ATP9B: variants seen among roughly 807,000 people sequenced by gnomAD.
ATP9B encodes the protein probable phospholipid-transporting ATPase IIB.
ATP9B carries 110 observed loss-of-function variants against 146.1 expected under a neutral mutation model. The ratio of observed to expected loss-of-function variants is 0.75; its 90% CI spans 0.65 to 0.88. The LOEUF is 0.88. Ranked by LOEUF, ATP9B falls within the 40% of genes least tolerant of loss-of-function variation. ATP9B has a pLI of 0.00. For missense variants in ATP9B, 1,499 were observed against 1,496.4 expected, an observed-to-expected ratio of 1.00 and a Z score of -0.03; for synonymous variants, 604 against 569.7, an observed-to-expected ratio of 1.06 and a Z score of -0.86.
At chr18:79,105,562 G>C (rs982225678) in intron 2 of ATP9B, among the ~76,000 whole-genome samples, 3 of 152,124 alleles carry the variant, frequency 2.0e-5, no homozygotes, top group South Asian at 4.1e-4. Flanking sequence ...TGAAAAAATT[G>C]TTCTGGTATC....
At chr18:79,344,076 A>G in intron 20 of ATP9B, 189 bp from the exon 21 acceptor site, 2 of 614,520 alleles carry the variant, frequency 3.3e-6, no homozygotes, top group East Asian at 2.8e-5. Flanking sequence ...AACTGAGTGG[A>G]TAGACACACC....
chr18:79,329,406 C>T, intron 16 of ATP9B, 104 bp downstream of exon 16: 2 of 1,258,890 alleles, frequency 1.6e-6, no homozygotes, highest in Non-Finnish European at 2.1e-6. Flanking sequence ...TACTCAGGTG[C>T]TTTATGCTGT....
At chr18:79,308,513 C>T (rs1204984749) in intron 15 of ATP9B, among the ~76,000 whole-genome samples, 3 of 152,188 alleles carry the variant, frequency 2.0e-5, no homozygotes, top group African/African-American at 7.2e-5. Context: ...CCTTTGAAAC[C>T]TTTTGCTCAG....
At chr18:79,295,900 A>T (rs1334562200) in intron 13 of ATP9B, among the ~76,000 whole-genome samples, 1 of 152,240 alleles carries the variant, frequency 6.6e-6, no homozygotes. Context: ...CTGGTGCCTC[A>T]TCTTGCATTT....
intron 26 of ATP9B, chr18:79,362,298 T>C (rs1299295639): frequency 6.6e-6 from 1 of 152,186 alleles, no homozygotes; most frequent in Non-Finnish European, 1.5e-5. Flanking sequence ...GTATAAACAT[T>C]TGTCCCCTGC....
intron 15 of ATP9B, among the ~76,000 whole-genome samples, chr18:79,313,629 T>C (rs915842085): frequency 6.6e-6 from 1 of 152,242 alleles, no homozygotes; most frequent in Admixed American, 6.5e-5. Context: ...TCTGGGATTT[T>C]TTATTTTTAA....
chr18:79,253,151 G>A (rs1459083872), intron 11 of ATP9B, among the ~76,000 whole-genome samples: 2 of 152,218 alleles, frequency 1.3e-5, no homozygotes, highest in Non-Finnish European at 2.9e-5. Context: ...AGTTCACTGC[G>A]GCTGTGTGCT....
At chr18:79,288,551 G>A (rs1302152615) in intron 13 of ATP9B, among the ~76,000 whole-genome samples, 2 of 151,750 alleles carry the variant, frequency 1.3e-5, no homozygotes, top group Non-Finnish European at 2.9e-5. Flanking sequence ...ACACTGATGG[G>A]TCTTGACTCT....
intron 13 of ATP9B, among the ~76,000 whole-genome samples, chr18:79,303,376 C>G (rs1269590346): frequency 6.6e-6 from 1 of 152,044 alleles, no homozygotes; most frequent in Non-Finnish European, 1.5e-5. Flanking sequence ...AAAAAACACA[C>G]AAAAATGTTA....
At chr18:79,121,664 G>A (rs1486509501) in intron 4 of ATP9B, among the ~76,000 whole-genome samples, 5 of 152,168 alleles carry the variant, frequency 3.3e-5, no homozygotes, top group East Asian at 1.9e-4. Flanking sequence ...GGATAGATAC[G>A]CAGGGGATGG....
rs1375618886 is a variant in ATP9B at position 79,145,935 on chromosome 18, CGGG to C, written c.726+2078_726+2080del. The C allele has an allele frequency of 3.5e-5, 3 of 86,326 alleles. No homozygotes were observed. In the East Asian group the frequency reaches 1.2e-3, roughly 36 times the overall value. The allele number at this position is 86,326 out of a possible 1,614,324, so 5.3% of individuals were successfully genotyped here. On this transcript the variant is annotated intron_variant, in intron 6 of 29. Coordinates refer to ENST00000426216, the MANE Select transcript of ATP9B (RefSeq NM_198531.5). The stretch of plus-strand genomic sequence containing the variant: ...GTGACTGAAGGTGCAGGCTGCATGT[CGGG>C]GGAGCTGGCGGTGTGCAGAGTGACT...
At chr18:79,370,375 C>T (rs896215552) in intron 26 of ATP9B, among the ~76,000 whole-genome samples, 6 of 152,154 alleles carry the variant, frequency 3.9e-5, no homozygotes, top group Non-Finnish European at 5.9e-5. Flanking sequence ...AGAAGAAAGG[C>T]GTGTGCTAGG....
At chr18:79,074,929 A>G (rs2072422227) in intron 1 of ATP9B, among the ~76,000 whole-genome samples, 1 of 152,244 alleles carries the variant, frequency 6.6e-6, no homozygotes, top group African/African-American at 2.4e-5. Flanking sequence ...CAAGGCTTGC[A>G]GTAAGATATT....
At chr18:79,324,479 C>T (rs1016018945) in intron 15 of ATP9B, among the ~76,000 whole-genome samples, 1 of 152,086 alleles carries the variant, frequency 6.6e-6, no homozygotes, top group Admixed American at 6.5e-5. Flanking sequence ...ATAAGGGTGT[C>T]TTTTAATTTT....
chr18:79,224,223 A>G (rs563389143), intron 11 of ATP9B, among the ~76,000 whole-genome samples: 2 of 152,318 alleles, frequency 1.3e-5, no homozygotes, highest in East Asian at 3.9e-4. Flanking sequence ...TTGATTCCTT[A>G]CCCCTGTGCC....
intron 12 of ATP9B, among the ~76,000 whole-genome samples, chr18:79,266,285 AAAG>A (rs1392496767): frequency 9.9e-5 from 15 of 152,266 alleles, no homozygotes; most frequent in Admixed American, 1.3e-4. Context: ...TTGCTGATGT[AAAG>A]AAATAAAATT....
chr18:79,069,873 C>T (rs752190799), intron 1 of ATP9B, among the ~76,000 whole-genome samples: 6 of 152,356 alleles, frequency 3.9e-5, no homozygotes, highest in African/African-American at 1.4e-4. Flanking sequence ...ACTTCAGAGT[C>T]TCCGAAACTT....
At chr18:79,329,880 G>C in intron 16 of ATP9B, 132 bp from the exon 17 acceptor site, 1 of 768,342 alleles carries the variant, frequency 1.3e-6, no homozygotes, top group Admixed American at 2.1e-5. Flanking sequence ...AGAAACACGT[G>C]TGAGGAGCTT....
At chr18:79,281,556 A>G (rs2096376917) in intron 13 of ATP9B, among the ~76,000 whole-genome samples, 1 of 152,226 alleles carries the variant, frequency 6.6e-6, no homozygotes, top group African/African-American at 2.4e-5. Context: ...AGAAACATAG[A>G]TACAGATGTA....
Sources: allele counts gnomAD v4.1 joint callset (sites outside exome capture counted in the v4.1 genomes callset), GRCh38; gene constraint gnomAD v4.1.1; transcripts MANE v1.5; gene names NCBI Gene and HGNC (gene_info 2026-07-23, HGNC 2026-07-21).